The following SLC25A48 variants were observed in gnomAD, a reference collection of about 807,000 sequenced individuals.
SLC25A48 encodes the protein CTC-321K16.1.
A neutral mutation model predicts 32.2 loss-of-function variants in SLC25A48; 29 were observed. The observed-to-expected ratio is 0.90, with a 90% confidence interval of 0.67 to 1.23. The LOEUF is 1.23. Among genes scored for constraint, SLC25A48 ranks in the 50% most tolerant of loss-of-function variants. The pLI is 0.00. For synonymous variants in SLC25A48, 164 were observed against 172.3 expected (o/e 0.95, Z 0.38); for missense variants, 399 against 422.7 (o/e 0.94, Z 0.49).
Position 135,742,387 on chromosome 5 carries a change from T to TC in SLC25A48, c.-520-70134dup, listed in dbSNP as rs1420033671. ...TGAATCACCACACCTGGCCTAGGAATCCGTTATTTAATAGCCATCACGACC... is the reference window on the plus strand; with the variant it reads ...TGAATCACCACACCTGGCCTAGGAATCCCGTTATTTAATAGCCATCACGACC... On this transcript the variant is annotated intron_variant, in intron 3 of 10. Transcript: ENST00000646290. 2.5e-6 allele frequency: 3 copies of TC among 1,192,228 alleles called. No homozygotes were observed. The African/African-American group carries it at 4.7e-5, about 19-fold the overall frequency. The allele number at this position is 1,192,228 out of a possible 1,614,324, so 73.9% of individuals were successfully genotyped here. A position where few individuals can be genotyped will look rare whatever the true frequency, so the allele number is the denominator to read the frequency against.
At chr5:135,783,201 T>C (rs1385465376) in intron 3 of SLC25A48, among the ~76,000 whole-genome samples, 1 of 120,774 alleles carries the variant, frequency 8.3e-6, no homozygotes. Flanking sequence ...GTTCCTAATA[T>C]TTAGTGAGGG....
intron 2 of SLC25A48, among the ~76,000 whole-genome samples, chr5:135,630,129 G>A (rs1752522746): frequency 6.6e-6 from 1 of 152,144 alleles, no homozygotes; most frequent in African/African-American, 2.4e-5. Context: ...TAGAATATGG[G>A]AGGTCACTGA....
intron 3 of SLC25A48, among the ~76,000 whole-genome samples, chr5:135,640,323 A>AAG (rs370824609): frequency 6.6e-6 from 1 of 152,200 alleles, no homozygotes; most frequent in Non-Finnish European, 1.5e-5. Flanking sequence ...CTTCAAAGAT[A>AAG]AGAGAGAGAA....
intron 3 of SLC25A48, among the ~76,000 whole-genome samples, chr5:135,666,088 A>G (rs1753519148): frequency 6.6e-6 from 1 of 152,206 alleles, no homozygotes; most frequent in Non-Finnish European, 1.5e-5. Flanking sequence ...AACCAGTGAC[A>G]GAGGTGAACT....
chr5:135,583,982 C>T (rs1174347854), intron 1 of SLC25A48, among the ~76,000 whole-genome samples: 1 of 152,220 alleles, frequency 6.6e-6, no homozygotes, highest in Non-Finnish European at 1.5e-5. Context: ...CCAAGAACAA[C>T]CTCTGGTTTT....
chr5:135,707,120 A>C (rs1171092402), intron 3 of SLC25A48, among the ~76,000 whole-genome samples: 1 of 152,064 alleles, frequency 6.6e-6, no homozygotes, highest in African/African-American at 2.4e-5. Context: ...CTGCAGGAGA[A>C]GTGGGGTAGG....
intron 3 of SLC25A48, among the ~76,000 whole-genome samples, chr5:135,655,012 C>A (rs994934956): frequency 6.6e-6 from 1 of 152,184 alleles, no homozygotes; most frequent in Non-Finnish European, 1.5e-5. Context: ...TGCCTTGGGG[C>A]AGAGGCGGAA....
chr5:135,786,814 C>T (rs1317970246), intron 3 of SLC25A48, among the ~76,000 whole-genome samples: 1 of 152,026 alleles, frequency 6.6e-6, no homozygotes, highest in African/African-American at 2.4e-5. Flanking sequence ...CCTAATGTCA[C>T]AGTGGGTGTA....
intron 4 of SLC25A48, among the ~76,000 whole-genome samples, chr5:135,819,927 T>A (rs533440464): frequency 1.3e-5 from 2 of 152,228 alleles, no homozygotes; most frequent in East Asian, 3.9e-4. Flanking sequence ...GTGGTAAGAA[T>A]GTGAAGAAAC....
At chr5:135,678,712 A>G (rs923437342) in intron 3 of SLC25A48, among the ~76,000 whole-genome samples, 7 of 152,142 alleles carry the variant, frequency 4.6e-5, no homozygotes, top group African/African-American at 1.7e-4. Flanking sequence ...AGTAGTATCC[A>G]TGGTGCTGGT....
intron 1 of SLC25A48, chr5:135,609,629 C>T (rs927378767): frequency 6.6e-6 from 1 of 152,142 alleles, no homozygotes; most frequent in Non-Finnish European, 1.5e-5. Context: ...GAATGAGTTC[C>T]ATTGACATCT....
intron 3 of SLC25A48, among the ~76,000 whole-genome samples, chr5:135,784,799 A>G (rs1168829983): frequency 8.5e-6 from 1 of 118,046 alleles, no homozygotes; most frequent in African/African-American, 2.6e-5. Flanking sequence ...AACATCATAA[A>G]AGTGAAAGCA....
intron 3 of SLC25A48, among the ~76,000 whole-genome samples, chr5:135,805,693 G>C (rs1250929165): frequency 6.6e-6 from 1 of 151,040 alleles, no homozygotes; most frequent in African/African-American, 2.4e-5. Context: ...ATATCTTAAG[G>C]GGATATTACT....
At chr5:135,878,342 G>A (rs1344895636) in intron 6 of SLC25A48, among the ~76,000 whole-genome samples, 2 of 152,214 alleles carry the variant, frequency 1.3e-5, no homozygotes, top group African/African-American at 4.8e-5. Flanking sequence ...GTGGGCACCG[G>A]CATGGAATTT....
At chr5:135,646,659 T>TAATATATATATATATATATATATATATA (rs1752965436) in intron 3 of SLC25A48, among the ~76,000 whole-genome samples, 1 of 125,400 alleles carries the variant, frequency 8.0e-6, no homozygotes, top group African/African-American at 3.0e-5. Context: ...TAATTTCCCA[T>TAATATATATATATATATATATATATATA]TATATATATA....
intron 3 of SLC25A48, among the ~76,000 whole-genome samples, chr5:135,675,485 G>A (rs1753746526): frequency 6.6e-6 from 1 of 151,800 alleles, no homozygotes; most frequent in Non-Finnish European, 1.5e-5. Context: ...TATGTTCTTG[G>A]CACCTTTATT....
chr5:135,778,043 C>T (rs11242278), intron 3 of SLC25A48, among the ~76,000 whole-genome samples: 114,966 of 151,402 alleles, frequency 0.76, 44,220 homozygotes, highest in Middle Eastern at 0.87. Flanking sequence ...TGATATGTCT[C>T]AATATTGCAG....
At chr5:135,690,754 G>C (rs761079761) in intron 3 of SLC25A48, among the ~76,000 whole-genome samples, 7 of 152,192 alleles carry the variant, frequency 4.6e-5, no homozygotes, top group Non-Finnish European at 8.8e-5. Flanking sequence ...TCACCCAGCA[G>C]ATCAATTTTG....
intron 3 of SLC25A48, among the ~76,000 whole-genome samples, chr5:135,725,348 G>A (rs562437908): frequency 1.3e-5 from 2 of 152,176 alleles, no homozygotes; most frequent in African/African-American, 4.8e-5. Flanking sequence ...TGACTGGAGT[G>A]GGGGCTGGTG....
Sources: gnomAD v4.1 joint callset for allele counts (sites outside exome capture counted in the v4.1 genomes callset) on GRCh38, gnomAD v4.1.1 for gene constraint, MANE v1.5 for transcripts, NCBI Gene and HGNC (gene_info 2026-07-23, HGNC 2026-07-21) for gene names.